Variants in DAB1 observed in about 807,000 individuals in gnomAD.
DAB1 encodes disabled homolog 1.
Under a neutral mutation model 64.6 loss-of-function variants are expected in DAB1, and 15 were observed. That is an observed-to-expected ratio of 0.23 (90% CI 0.16 to 0.36). The LOEUF (loss-of-function observed/expected upper bound fraction) is 0.36. Among genes scored for constraint, DAB1 ranks in the 10% least tolerant of loss-of-function variants. The pLI, the probability that DAB1 is intolerant of heterozygous loss-of-function variation, is 1.00. For missense variants in DAB1, 596 were observed against 706.7 expected, an observed-to-expected ratio of 0.84 and a Z score of 1.78; for synonymous variants, 235 against 251.9, an observed-to-expected ratio of 0.93 and a Z score of 0.64.
At chr1:57,301,461 C>T (rs1356041260) in intron 1 of DAB1, among the ~76,000 whole-genome samples, 2 of 152,186 alleles carry the variant, frequency 1.3e-5, no homozygotes, top group Non-Finnish European at 2.9e-5. Flanking sequence ...AGACTGAACG[C>T]CCTGTACTCA....
rs79727544 is a variant in DAB1, at chr1:57,771,979, A to T, written n.551+112020T>A. On this transcript the variant is annotated intron_variant and non_coding_transcript_variant, in intron 6 of 20. Transcript: ENST00000485760. ...TATTCCTTTGTATAGAGTCTTCCAC[A>T]ATTTGCTAATCTATTCACTTGTTGC... Among the ~76,000 whole-genome samples the T allele has an allele frequency of 3.4e-4, 51 of 152,192 alleles. No individual in the cohort carries two copies. In the East Asian group the frequency reaches 9.1e-3, roughly 27 times the overall value.
At chr1:57,015,516 G>T in intron 11 of DAB1, 85 bp from the exon 12 acceptor site, 1 of 1,270,020 alleles carries the variant, frequency 7.9e-7, no homozygotes, top group Non-Finnish European at 1.1e-6. Context: ...TGACAGAAAT[G>T]TATCAAGCAC....
At chr1:58,118,076 A>G (rs1374935773) in intron 5 of DAB1, among the ~76,000 whole-genome samples, 1 of 151,340 alleles carries the variant, frequency 6.6e-6, no homozygotes, top group African/African-American at 2.4e-5. Flanking sequence ...CTAACTTATT[A>G]TTTTTTTAAT....
At chr1:57,189,845 GA>G (rs34251961) in intron 2 of DAB1, among the ~76,000 whole-genome samples, 44,369 of 136,580 alleles carry the variant, frequency 0.32, 6,942 homozygotes, top group Middle Eastern at 0.39. Flanking sequence ...AAGGGAAGGG[GA>G]AAAAAAAAAA....
rs577519444 is a variant in DAB1 at position 57,517,482 on chromosome 1, T to C, written n.625+132110A>G. Among the ~76,000 whole-genome samples, 6 of 152,278 alleles carry C rather than the reference T, an allele frequency of 3.9e-5. No individual in the cohort carries two copies. The South Asian group carries it at 8.3e-4, about 21-fold the overall frequency. On this transcript the variant is annotated intron_variant and non_coding_transcript_variant, in intron 7 of 20. Coordinates refer to the DAB1 transcript ENST00000485760. ...TAAATGTTTGCTGAAAATAAGTGAA[T>C]TGAAATGGGGAAGAGAGTAGGTGAA... is the stretch of plus-strand genomic sequence containing the variant.
At chr1:57,879,235 C>T (rs1238520910) in intron 1 of DAB1, among the ~76,000 whole-genome samples, 1 of 152,136 alleles carries the variant, frequency 6.6e-6, no homozygotes, top group Non-Finnish European at 1.5e-5. Flanking sequence ...TAACTGAATT[C>T]TGGCCAATGG....
Position 57,677,217 on chromosome 1 carries a change from CT to C in DAB1, n.552-27553del, listed in dbSNP as rs1646578251. ...ATCCTGATGATACCTTGATCTTGGA[CT>C]TTAGCTTCCAGAACTTTGAGAAAAA... On this transcript the variant is annotated intron_variant and non_coding_transcript_variant, in intron 6 of 20. Transcript: ENST00000485760. Among the ~76,000 whole-genome samples, 8 of 152,184 alleles carry C rather than the reference CT, an allele frequency of 5.3e-5. No homozygotes were observed. The South Asian group carries it at 1.4e-3, about 28-fold the overall frequency.
intron 4 of DAB1, among the ~76,000 whole-genome samples, chr1:58,177,016 A>G (rs1240444714): frequency 1.3e-5 from 2 of 152,086 alleles, no homozygotes; most frequent in African/African-American, 4.8e-5. Context: ...CAACACTGTT[A>G]CAATGGTAAA....
chr1:57,264,925 C>A (rs760385958), intron 2 of DAB1, among the ~76,000 whole-genome samples: 1 of 152,196 alleles, frequency 6.6e-6, no homozygotes, highest in Non-Finnish European at 1.5e-5. Context: ...TAGTCTTTGT[C>A]TGTTTCCAAG....
intron 5 of DAB1, among the ~76,000 whole-genome samples, chr1:57,968,035 T>G (rs1304249640): frequency 1.3e-5 from 2 of 152,212 alleles, no homozygotes; most frequent in Non-Finnish European, 2.9e-5. Flanking sequence ...TATTTTATTC[T>G]TATCTGCAGC....
At chr1:58,349,373 T>G (rs1644029632) in intron 3 of DAB1, among the ~76,000 whole-genome samples, 1 of 152,160 alleles carries the variant, frequency 6.6e-6, no homozygotes, top group South Asian at 2.1e-4. Context: ...TTATTGCTGG[T>G]AGCTATTTGA....
intron 1 of DAB1, among the ~76,000 whole-genome samples, chr1:57,370,742 C>A (rs1305898905): frequency 1.3e-5 from 2 of 152,118 alleles, no homozygotes; most frequent in Non-Finnish European, 2.9e-5. Flanking sequence ...AACTGAAGTG[C>A]CTTTTAATTC....
chr1:57,594,616 T>C (rs1488007413), intron 7 of DAB1, among the ~76,000 whole-genome samples: 1 of 152,242 alleles, frequency 6.6e-6, no homozygotes, highest in Admixed American at 6.5e-5. Flanking sequence ...AGCTCAATGC[T>C]ATTTACCCAG....
intron 4 of DAB1, among the ~76,000 whole-genome samples, chr1:57,126,579 C>T (rs1337332718): frequency 6.6e-6 from 1 of 152,176 alleles, no homozygotes; most frequent in Non-Finnish European, 1.5e-5. Flanking sequence ...CTAAGAGGTT[C>T]AGTGATTCAT....
At chr1:58,287,405 T>G (rs961194025) in intron 4 of DAB1, among the ~76,000 whole-genome samples, 1 of 151,970 alleles carries the variant, frequency 6.6e-6, no homozygotes, top group Admixed American at 6.6e-5. Context: ...CTCAGCTGGG[T>G]GGTTCTTTAG....
At chr1:57,258,671 C>T (rs1403155183) in intron 2 of DAB1, among the ~76,000 whole-genome samples, 2 of 152,172 alleles carry the variant, frequency 1.3e-5, no homozygotes, top group African/African-American at 4.8e-5. Flanking sequence ...AGCCCAATTA[C>T]GCAAATGATC....
chr1:57,037,850 T>C (rs1037324828), intron 9 of DAB1, among the ~76,000 whole-genome samples: 2 of 152,192 alleles, frequency 1.3e-5, no homozygotes, highest in African/African-American at 4.8e-5. Flanking sequence ...CTGATTTTAA[T>C]AAATGGTTTA....
At chr1:57,093,852 A>G (rs1653908286) in intron 4 of DAB1, among the ~76,000 whole-genome samples, 1 of 152,114 alleles carries the variant, frequency 6.6e-6, no homozygotes, top group Non-Finnish European at 1.5e-5. Flanking sequence ...GGTGGCTCAC[A>G]CCTATGATCC....
chr1:57,821,173 C>G (rs1369532978), downstream of DAB1, among the ~76,000 whole-genome samples: 2 of 152,136 alleles, frequency 1.3e-5, no homozygotes, highest in East Asian at 3.9e-4. Context: ...TCTTTTTCCA[C>G]AGATGCACCA....
Sources: allele counts gnomAD v4.1 joint callset (sites outside exome capture counted in the v4.1 genomes callset), GRCh38; gene constraint gnomAD v4.1.1; transcripts MANE v1.5; gene names NCBI Gene and HGNC (gene_info 2026-07-23, HGNC 2026-07-21).